The following AGBL4 variants were observed in gnomAD, a reference collection of about 807,000 sequenced individuals.
The protein encoded by AGBL4 is AGBL carboxypeptidase 4.
In AGBL4, 58 loss-of-function variants were observed where a neutral mutation model predicts 66.4. The ratio of observed to expected loss-of-function variants is 0.87; its 90% CI spans 0.71 to 1.09. AGBL4 has a LOEUF of 1.09. AGBL4 is among the 50% of genes least tolerant of loss of function. The pLI, the probability that AGBL4 is intolerant of heterozygous loss-of-function variation, is 0.00. For synonymous variants in AGBL4, 234 were observed against 222.9 expected, an observed-to-expected ratio of 1.05 and a Z score of -0.44; for missense variants, 579 against 631.0, an observed-to-expected ratio of 0.92 and a Z score of 0.88.
At chr1:49,634,376 C>T (rs941697805) in intron 3 of AGBL4, among the ~76,000 whole-genome samples, 1 of 152,144 alleles carries the variant, frequency 6.6e-6, no homozygotes, top group Non-Finnish European at 1.5e-5. Context: ...ATCCATGTCC[C>T]TGCAAAGGAA....
intron 6 of AGBL4, among the ~76,000 whole-genome samples, chr1:48,835,371 G>T (rs1646649757): frequency 6.6e-6 from 1 of 152,088 alleles, no homozygotes; most frequent in South Asian, 2.1e-4. Flanking sequence ...TGTCCTCCTG[G>T]AACTTATAGG....
At chr1:49,190,095 C>T (rs759823226) in intron 4 of AGBL4, among the ~76,000 whole-genome samples, 3 of 152,130 alleles carry the variant, frequency 2.0e-5, no homozygotes, top group Non-Finnish European at 2.9e-5. Flanking sequence ...TAGAGAACTA[C>T]GTAAGGCAAG....
intron 6 of AGBL4, among the ~76,000 whole-genome samples, chr1:48,696,833 G>T (rs1020144566): frequency 1.3e-5 from 2 of 152,174 alleles, no homozygotes; most frequent in Non-Finnish European, 2.9e-5. Context: ...CTTCAAACAC[G>T]CAGAATCAAG....
intron 3 of AGBL4, among the ~76,000 whole-genome samples, chr1:49,534,171 C>CAAAAAAA (rs71059553): frequency 1.5e-5 from 1 of 67,044 alleles, no homozygotes; most frequent in African/African-American, 5.8e-5. Context: ...CACCATTTTA[C>CAAAAAAA]AAAAAAAAAA....
intron 4 of AGBL4, among the ~76,000 whole-genome samples, chr1:49,230,998 A>C (rs943450654): frequency 1.3e-5 from 2 of 152,216 alleles, no homozygotes; most frequent in African/African-American, 4.8e-5. Context: ...GGTAAAAAAA[A>C]CAGGTCTGGT....
At chr1:48,992,246 C>T (rs1296685695) in intron 5 of AGBL4, among the ~76,000 whole-genome samples, 1 of 151,804 alleles carries the variant, frequency 6.6e-6, no homozygotes, top group Non-Finnish European at 1.5e-5. Context: ...GTGGCTCTTG[C>T]AGACTCGTAG....
At chr1:49,109,934 T>G (rs996493437) in intron 4 of AGBL4, among the ~76,000 whole-genome samples, 1 of 152,132 alleles carries the variant, frequency 6.6e-6, no homozygotes, top group Non-Finnish European at 1.5e-5. Context: ...AAAACTCCAA[T>G]TATCTTTTTT....
chr1:49,743,053 G>T (rs950943881), intron 2 of AGBL4, among the ~76,000 whole-genome samples: 3 of 152,130 alleles, frequency 2.0e-5, no homozygotes, highest in Non-Finnish European at 2.9e-5. Context: ...TGACAAATGG[G>T]ATCTAATTAA....
chr1:50,005,267 C>G (rs1205502927), intron 1 of AGBL4, among the ~76,000 whole-genome samples: 1 of 152,162 alleles, frequency 6.6e-6, no homozygotes, highest in Admixed American at 6.5e-5. Context: ...GCCACCCCTC[C>G]CTCAGCTCCA....
intron 5 of AGBL4, among the ~76,000 whole-genome samples, chr1:48,911,545 G>A (rs561677729): frequency 1.2e-4 from 18 of 151,402 alleles, no homozygotes; most frequent in South Asian, 2.1e-4. Flanking sequence ...GCGTGAACCC[G>A]GGAGGCAGAG....
At chr1:48,572,486 G>A (rs1011475373) in intron 11 of AGBL4, among the ~76,000 whole-genome samples, 3 of 151,944 alleles carry the variant, frequency 2.0e-5, no homozygotes, top group African/African-American at 7.3e-5. Flanking sequence ...ATAAAAAGTG[G>A]AGAAGGTAAG....
At position 49,271,831 on chromosome 1, in the gene AGBL4, T is replaced by G. The variant is rs114133054; in HGVS notation, c.283-25967A>C. On this transcript the variant is annotated intron_variant, in intron 3 of 13. Coordinates refer to ENST00000371839, the MANE Select transcript of AGBL4 (RefSeq NM_032785.4). ...ACCCCATTTGTGGGGCCTTCTATTT[T>G]CCTTCTAGTTTCAAGAGTCATGGAA... 1.7e-3 allele frequency among the ~76,000 whole-genome samples: 266 copies of G among 152,288 alleles called. 1 individual carries two copies. The highest frequency in any genetic ancestry group is 6.0e-3 in the African/African-American group (248 of 41,556).
intron 1 of AGBL4, among the ~76,000 whole-genome samples, chr1:49,917,376 A>T (rs1181332818): frequency 6.6e-6 from 1 of 152,076 alleles, no homozygotes; most frequent in Non-Finnish European, 1.5e-5. Context: ...TCAAAATAAA[A>T]GGATGGAGGA....
chr1:49,974,800 A>G (rs561688574), intron 1 of AGBL4, among the ~76,000 whole-genome samples: 1 of 152,164 alleles, frequency 6.6e-6, no homozygotes, highest in African/African-American at 2.4e-5. Context: ...ATCCTCTCCA[A>G]TATCCACCTC....
chr1:49,087,874 G>C (rs934313593), intron 4 of AGBL4, among the ~76,000 whole-genome samples: 1 of 152,126 alleles, frequency 6.6e-6, no homozygotes, highest in Non-Finnish European at 1.5e-5. Context: ...ACCTCACCAG[G>C]CTAACAGAGG....
chr1:49,049,610 C>T (rs191993059), intron 4 of AGBL4, among the ~76,000 whole-genome samples: 5 of 151,872 alleles, frequency 3.3e-5, no homozygotes, highest in Admixed American at 3.3e-4. Context: ...CTTCTTATCC[C>T]AGAATAACAT....
intron 4 of AGBL4, among the ~76,000 whole-genome samples, chr1:49,238,028 C>G (rs1359322106): frequency 6.6e-6 from 1 of 152,112 alleles, no homozygotes; most frequent in Non-Finnish European, 1.5e-5. Context: ...CCACTTTACT[C>G]AGGCTTCAAT....
At chr1:49,983,839 C>A (rs1659281651) in intron 1 of AGBL4, among the ~76,000 whole-genome samples, 1 of 152,074 alleles carries the variant, frequency 6.6e-6, no homozygotes, top group African/African-American at 2.4e-5. Flanking sequence ...ACTCCCAGTC[C>A]CAATCACTGA....
At chr1:48,761,478 G>T (rs1046227902) in intron 6 of AGBL4, 19 of 1,549,114 alleles carry the variant, frequency 1.2e-5, no homozygotes, top group African/African-American at 2.7e-5. Flanking sequence ...CTTCTAAAAT[G>T]CATATCAAGA....
Sources: gnomAD v4.1 joint callset for allele counts (sites outside exome capture counted in the v4.1 genomes callset) on GRCh38, gnomAD v4.1.1 for gene constraint, MANE v1.5 for transcripts, NCBI Gene and HGNC (gene_info 2026-07-23, HGNC 2026-07-21) for gene names.